EVL: variants seen among roughly 807,000 people sequenced by gnomAD.
EVL encodes Enah/Vasp-like.
A neutral mutation model predicts 59.6 loss-of-function variants in EVL; 21 were observed. The ratio of observed to expected loss-of-function variants is 0.35; its 90% confidence interval spans 0.25 to 0.51. EVL has a LOEUF of 0.51. Among genes scored for constraint, EVL ranks in the 20% least tolerant of loss-of-function variants. The pLI is 0.97. For synonymous variants in EVL, 198 were observed against 203.5 expected, an observed-to-expected ratio of 0.97 and a Z score of 0.23; for missense variants, 462 against 546.6, an observed-to-expected ratio of 0.85 and a Z score of 1.54.
chr14:100,007,118 A>G (rs2060987415), intron 1 of EVL, among the ~76,000 whole-genome samples: 2 of 152,068 alleles, frequency 1.3e-5, no homozygotes, highest in East Asian at 1.9e-4. Context: ...CACAGCCTCA[A>G]CAGGTCCTGA....
At chr14:100,118,876 C>T (rs961893209) in intron 3 of EVL, among the ~76,000 whole-genome samples, 1 of 152,228 alleles carries the variant, frequency 6.6e-6, no homozygotes, top group Non-Finnish European at 1.5e-5. Flanking sequence ...AACTTAGACT[C>T]GAAGCTGGAA....
chr14:100,061,613 G>C (rs1029196462), upstream of EVL, among the ~76,000 whole-genome samples: 45 of 151,906 alleles, frequency 3.0e-4, no homozygotes, highest in African/African-American at 8.9e-4. Context: ...CCCGGGGTTA[G>C]GGTACTGGCC....
intron 1 of EVL, among the ~76,000 whole-genome samples, chr14:100,030,972 A>G (rs1284499781): frequency 6.6e-6 from 1 of 152,246 alleles, no homozygotes; most frequent in Non-Finnish European, 1.5e-5. Flanking sequence ...CGGGACAACT[A>G]TGACGTATGA....
At chr14:100,017,861 G>C (rs372032129) in intron 1 of EVL, among the ~76,000 whole-genome samples, 3 of 152,178 alleles carry the variant, frequency 2.0e-5, no homozygotes, top group Non-Finnish European at 2.9e-5. Flanking sequence ...AGTCGGCCTC[G>C]TTTGGCCTTT....
intron 1 of EVL, among the ~76,000 whole-genome samples, chr14:100,078,551 G>C (rs935665626): frequency 6.6e-6 from 1 of 151,650 alleles, no homozygotes; most frequent in Non-Finnish European, 1.5e-5. Flanking sequence ...AGGTTCCAAT[G>C]GGGGCTTGGA....
At chr14:100,020,336 T>C (rs2061099601) in intron 1 of EVL, among the ~76,000 whole-genome samples, 1 of 152,130 alleles carries the variant, frequency 6.6e-6, no homozygotes, top group South Asian at 2.1e-4. Context: ...TATCCCTGTA[T>C]ATAAATGTGG....
At chr14:100,099,691 A>C (rs1350003840) in intron 3 of EVL, among the ~76,000 whole-genome samples, 1 of 150,802 alleles carries the variant, frequency 6.6e-6, no homozygotes, top group Non-Finnish European at 1.5e-5. Context: ...TTCCGTCTGA[A>C]CTTACCTCGC....
At chr14:100,043,233 A>G (rs563241726) in intron 1 of EVL, among the ~76,000 whole-genome samples, 4 of 150,894 alleles carry the variant, frequency 2.7e-5, no homozygotes, top group Admixed American at 6.6e-5. Context: ...ATATATATGT[A>G]TGTGTGTGTG....
intron 3 of EVL, among the ~76,000 whole-genome samples, chr14:100,120,177 C>A (rs1243092229): frequency 6.6e-6 from 1 of 152,172 alleles, no homozygotes; most frequent in Non-Finnish European, 1.5e-5. Flanking sequence ...CTTGGGGGAC[C>A]CCTTCTAATC....
chr14:100,082,119 G>A (rs992012310), intron 1 of EVL, among the ~76,000 whole-genome samples: 3 of 151,926 alleles, frequency 2.0e-5, no homozygotes, highest in African/African-American at 4.8e-5. Context: ...GTGAGACTCC[G>A]TCTCAAAAAA....
chr14:100,099,647 T>C (rs2140323721), intron 3 of EVL, among the ~76,000 whole-genome samples: 1 of 152,194 alleles, frequency 6.6e-6, no homozygotes, highest in East Asian at 1.9e-4. Context: ...AAACTGTCTG[T>C]TTCCACCCAA....
chr14:100,106,673 C>T (rs1270962148), intron 3 of EVL: 2 of 397,086 alleles, frequency 5.0e-6, no homozygotes, highest in Non-Finnish European at 8.9e-6. Context: ...AGGATCATTA[C>T]AAAACATTAT....
intron 1 of EVL, among the ~76,000 whole-genome samples, chr14:99,981,287 C>T (rs1203537968): frequency 2.0e-5 from 3 of 151,998 alleles, no homozygotes; most frequent in Non-Finnish European, 2.9e-5. Flanking sequence ...CAAAAATTAG[C>T]CAGGCGTGGT....
At chr14:100,072,313 C>T (rs756068539) in intron 1 of EVL, among the ~76,000 whole-genome samples, 29 of 152,226 alleles carry the variant, frequency 1.9e-4, no homozygotes, top group Non-Finnish European at 4.3e-4. Context: ...CATCCTACAC[C>T]TCCCTGTGCC....
rs527779062 is a variant in EVL at position 100,059,577 on chromosome 14, AATG to A, written c.6-25103_6-25101del. On this transcript the variant is annotated intron_variant, in intron 1 of 13. Coordinates refer to the EVL transcript ENST00000402714. ...TCGCCTGCTGTAGGGCTGAGAGCTG[AATG>A]ATGATGCCAGAGGTCATTCAGTTCT... 3.5e-3 allele frequency among the ~76,000 whole-genome samples: 533 copies of A among 152,288 alleles called. 1 individual carries two copies. The highest frequency in any genetic ancestry group is 5.1e-3 in the Non-Finnish European group (350 of 68,036).
intron 1 of EVL, among the ~76,000 whole-genome samples, chr14:100,049,881 C>T (rs55704549): frequency 2.6e-5 from 4 of 152,138 alleles, no homozygotes; most frequent in East Asian, 1.9e-4. Context: ...GATTTTATAT[C>T]GTATACATGG....
intron 1 of EVL, among the ~76,000 whole-genome samples, chr14:99,989,305 A>G (rs916341206): frequency 1.3e-5 from 2 of 151,908 alleles, no homozygotes; most frequent in Non-Finnish European, 2.9e-5. Flanking sequence ...CTTTGTCCCC[A>G]TCTCCCCAGG....
chr14:100,120,601 A>G (rs578102039), intron 3 of EVL, among the ~76,000 whole-genome samples: 48 of 152,290 alleles, frequency 3.2e-4, no homozygotes, highest in South Asian at 1.5e-3. Flanking sequence ...AAGGTGACCC[A>G]CATGGGTTGA....
chr14:100,139,647 C>G (rs1451950132), intron 11 of EVL: 2 of 152,358 alleles, frequency 1.3e-5, no homozygotes, highest in African/African-American at 4.8e-5. Context: ...TGGCAACACT[C>G]ATTCTTCATC....
Sources: allele counts gnomAD v4.1 joint callset (sites outside exome capture counted in the v4.1 genomes callset), GRCh38; gene constraint gnomAD v4.1.1; transcripts MANE v1.5; gene names NCBI Gene and HGNC (gene_info 2026-07-23, HGNC 2026-07-21).